The following TPI1 variants were observed in gnomAD, a reference collection of about 807,000 sequenced individuals.
TPI1 encodes the protein triosephosphate isomerase.
TPI1 carries 11 observed loss-of-function variants against 31.0 expected under a neutral mutation model. The observed-to-expected ratio is 0.36, with a 90% CI of 0.22 to 0.59. The LOEUF (loss-of-function observed/expected upper bound fraction) is 0.59, where lower values mean the gene tolerates loss of function less well. Among genes scored for constraint, TPI1 ranks in the 20% least tolerant of loss-of-function variants. The pLI is 0.79. For missense variants in TPI1, 245 were observed against 319.7 expected (o/e 0.77, Z 1.78); for synonymous variants, 121 against 122.8 (o/e 0.99, Z 0.10).
chr12:6,868,583 C>G, intron 1 of TPI1: 3 of 1,331,266 alleles, frequency 2.3e-6, no homozygotes, highest in Non-Finnish European at 2.9e-6. Context: ...GTGCCTATGC[C>G]GAGAATAGCT....
At chr12:6,868,742 G>T in intron 1 of TPI1, 122 bp from the exon 2 acceptor site, 4 of 1,472,660 alleles carry the variant, frequency 2.7e-6, no homozygotes, top group Non-Finnish European at 3.7e-6. Context: ...GGGTGAAAAG[G>T]GGGAGAGCAG....
At chr12:6,869,958 T>A in intron 5 of TPI1, 91 bp from the exon 6 acceptor site, 1 of 1,503,196 alleles carries the variant, frequency 6.7e-7, no homozygotes. Context: ...TCTGACTCAG[T>A]CAGAAACCAC....
rs992236487 is a variant in TPI1 at position 6,869,718 on chromosome 12, T to G, written c.488T>G (p.Leu163Arg). Residue 163 changes from leucine (L) to arginine (R), a missense_variant, in exon 5 of 7, where the codon CTG (leucine) becomes CGG (arginine). Physicochemically the swap from Leu to Arg is moderately radical, Grantham distance 102. Transcript: ENST00000396705. ...DNVKDWSKVVLAYEPVWAIGT... is the reference protein window; with the variant it reads ...DNVKDWSKVVRAYEPVWAIGT... ...GTGAAGGACTGGAGCAAGGTCGTCC[T>G]GGCCTATGAGCCTGTGTGGGCCATT... is the stretch of plus-strand genomic sequence containing the variant. 2 of 1,614,256 alleles carry G rather than the reference T, an allele frequency of 1.2e-6. No homozygotes were observed. The highest frequency in any genetic ancestry group is 3.3e-5 in the Admixed American group (2 of 60,036).
At position 6,870,765 on chromosome 12, in the gene TPI1, G is replaced by T; in HGVS notation, c.*382G>T. On this transcript the variant is annotated 3_prime_UTR_variant, in exon 7 of 7. Transcript: ENST00000396705. ...AGGCAGGAGTGCTGCCCTCTCCCATGGTGCCCGTGCCTCTGTGCTGTGTAT... is the reference window on the plus strand; with the variant it reads ...AGGCAGGAGTGCTGCCCTCTCCCATTGTGCCCGTGCCTCTGTGCTGTGTAT... The T allele has an allele frequency of 3.9e-6, 2 of 516,886 alleles. No individual in the cohort carries two copies. The highest frequency in any genetic ancestry group is 5.3e-5 in the East Asian group (1 of 19,036). The allele number at this position is 516,886 out of a possible 1,614,324, so 32.0% of individuals were successfully genotyped here. A position where few individuals can be genotyped will look rare whatever the true frequency, so the allele number is the denominator to read the frequency against.
chr12:6,867,818 C>T, intron 1 of TPI1, 137 bp downstream of exon 1: 2 of 973,906 alleles, frequency 2.1e-6, no homozygotes, highest in East Asian at 3.0e-5. Flanking sequence ...GGACGAGGGC[C>T]GCTGGGGTCC....
In TPI1 at chr12:6,869,715, T is replaced by C. The variant is rs1555132375; in HGVS notation, c.485T>C (p.Val162Ala). The C allele has an allele frequency of 9.9e-6, 16 of 1,614,234 alleles. No homozygotes were observed. Among genetic ancestry groups the C allele is most frequent in the East Asian group, 2.2e-5 (1 of 44,886 alleles). ...ADNVKDWSKV[V>A]LAYEPVWAIG... The stretch of plus-strand genomic sequence containing the variant: ...AACGTGAAGGACTGGAGCAAGGTCG[T>C]CCTGGCCTATGAGCCTGTGTGGGCC... Residue 162 changes from valine to alanine, a missense_variant, in exon 5 of 7, where the codon GTC becomes GCC. Around this residue, in one of 3 missense-constraint regions of TPI1, gnomAD observed 127 missense variants for 163.7 expected, o/e 0.78. Transcript: ENST00000396705.
chr12:6,869,644 C>CT, intron 4 of TPI1, 44 bp from the exon 5 acceptor site: 1 of 1,609,216 alleles, frequency 6.2e-7, no homozygotes, highest in Non-Finnish European at 8.5e-7. Flanking sequence ...CTGGAGAGCT[C>CT]TTTCTTGTTC....
chr12:6,870,026 C>A (rs782561391), intron 5 of TPI1, 23 bp from the exon 6 acceptor site: 1 of 1,613,856 alleles, frequency 6.2e-7, no homozygotes, highest in East Asian at 2.2e-5. Context: ...AAAGGTCTTA[C>A]TTAGGCCAGC....
At position 6,870,307 on chromosome 12, in the gene TPI1, C is replaced by T; in HGVS notation, c.674C>T (p.Pro225Leu). Residue 225 changes from proline (P) to leucine (L), a missense_variant, in exon 7 of 7, where the codon CCT becomes CTT. By Grantham distance (98) the Pro-to-Leu change is moderately conservative (BLOSUM62 -3). Transcript: ENST00000396705. ...ACCTGCAAGGAGCTGGCCAGCCAGC[C>T]TGATGTGGATGGCTTCCTTGTGGGT... ...GATCKELASQ[P>L]DVDGFLVGGA... 6.2e-7 allele frequency: 1 copy of T among 1,614,222 alleles called. No individual in the cohort carries two copies. Among genetic ancestry groups the T allele is most frequent in the Non-Finnish European group, 8.5e-7 (1 of 1,180,040 alleles).
chr12:6,869,774 G>GT lies in TPI1; in HGVS notation c.543+2dup. On this transcript the variant is annotated splice_donor_variant, in intron 5 of 6. Coordinates refer to ENST00000396705, the MANE Select transcript of TPI1 (RefSeq NM_000365.6). LOFTEE classifies it high-confidence loss of function. ...TGGCAAGACTGCAACACCCCAACAG[G>GT]TAACCGGGCCCAGGAGCCCTGCCCT... 6.2e-7 allele frequency: 1 copy of GT among 1,614,148 alleles called. No individual in the cohort carries two copies. Among genetic ancestry groups the GT allele is most frequent in the Non-Finnish European group, 8.5e-7 (1 of 1,180,010 alleles).
chr12:6,870,938 C>CTATAACAACATCTCTTACTATTT (rs1441980308), exon 7 of TPI1: 35 of 656,796 alleles, frequency 5.3e-5, no homozygotes, highest in Middle Eastern at 4.0e-4. Flanking sequence ...GAACAGGTTT[C>CTATAACAACATCTCTTACTATTT]TATAACAACA....
intron 5 of TPI1, 43 bp from the exon 6 acceptor site, chr12:6,870,006 G>C: frequency 1.2e-6 from 2 of 1,605,516 alleles, no homozygotes; most frequent in Non-Finnish European, 1.7e-6. Flanking sequence ...TTTCCTCTTA[G>C]AGAGGCAGAA....
Position 6,867,655 on chromosome 12 carries a change from A to C in TPI1, c.89A>C (p.Asn30Thr). 6.2e-7 allele frequency: 1 copy of C among 1,609,968 alleles called. No homozygotes were observed. Residue 30 changes from asparagine to threonine, a missense_variant, in exon 1 of 7, where the codon AAC (asparagine) becomes ACC (threonine). Transcript: ENST00000396705. ...CTGGGGGAGCTCATCGGCACTCTGAACGCGGCCAAGGTGCCGGCCGACACC... is the reference window on the plus strand; with the variant it reads ...CTGGGGGAGCTCATCGGCACTCTGACCGCGGCCAAGGTGCCGGCCGACACC... ...QSLGELIGTL[N>T]AAKVPADTEV...
chr12:6,867,728 G>T, intron 1 of TPI1, 47 bp downstream of exon 1: 1 of 1,534,776 alleles, frequency 6.5e-7, no homozygotes. Context: ...GGCCGGGGCC[G>T]GGGCAGGAGT....
In TPI1 at chr12:6,870,907, G is replaced by GAAAA; in HGVS notation, c.*524_*525insAAAA. ...GGCAGCTATATAAATGATCATTTGTGCAAGAAAAAAAAAAAAACAAGAACA... is the reference window on the plus strand; with the variant it reads ...GGCAGCTATATAAATGATCATTTGTGAAAACAAGAAAAAAAAAAAAACAAGAACA... On this transcript the variant is annotated 3_prime_UTR_variant, in exon 7 of 7. Transcript: ENST00000396705. 2 of 606,416 alleles carry GAAAA rather than the reference G, an allele frequency of 3.3e-6. No homozygotes were observed. The highest frequency in any genetic ancestry group is 4.8e-5 in the Admixed American group (2 of 41,254). The allele number at this position is 606,416 out of a possible 1,614,324, so 37.6% of individuals were successfully genotyped here. A position where few individuals can be genotyped will look rare whatever the true frequency, so the allele number is the denominator to read the frequency against.
At chr12:6,869,622 C>T (rs1029321025) in intron 4 of TPI1, 66 bp from the exon 5 acceptor site, 8 of 1,587,786 alleles carry the variant, frequency 5.0e-6, no homozygotes, top group South Asian at 4.4e-5. Flanking sequence ...CTTCGTACTC[C>T]GGAGAACCTG....
intron 1 of TPI1, 34 bp from the exon 2 acceptor site, chr12:6,868,830 G>T: frequency 1.2e-6 from 2 of 1,602,532 alleles, no homozygotes; most frequent in Non-Finnish European, 1.7e-6. Flanking sequence ...GCTTTCTTTA[G>T]TCTCATCCCC....
In TPI1 at chr12:6,869,749, T is replaced by C. The variant is rs782225455; in HGVS notation, c.519T>C (p.Thr173=). ...ATGAGCCTGTGTGGGCCATTGGTAC[T>C]GGCAAGACTGCAACACCCCAACAGG... The part of the protein sequence containing the change: ...LAYEPVWAIG[T]GKTATPQQAQ... The change falls in exon 5 of 7, where the codon ACT becomes ACC. Residue 173 remains threonine (T), a synonymous_variant. Coordinates refer to ENST00000396705, the MANE Select transcript of TPI1 (RefSeq NM_000365.6). 1 of 1,614,100 alleles carries C rather than the reference T, an allele frequency of 6.2e-7. No individual in the cohort carries two copies. The highest frequency in any genetic ancestry group is 8.5e-7 in the Non-Finnish European group (1 of 1,180,024).
Position 6,869,407 on chromosome 12 carries a change from G to T in TPI1, c.457+17G>T. ...TCATCGCAGGTATCTCTGGAGAAAG[G>T]GACCTTTGAGCCTATCCAGGGCCAC... On this transcript the variant is annotated intron_variant, in intron 4 of 6. Coordinates refer to ENST00000396705, the MANE Select transcript of TPI1 (RefSeq NM_000365.6). 6.2e-7 allele frequency: 1 copy of T among 1,613,910 alleles called. No homozygotes were observed. The highest frequency in any genetic ancestry group is 1.1e-5 in the South Asian group (1 of 91,068).
Sources: gnomAD v4.1 joint callset for allele counts on GRCh38, gnomAD v4.1.1 for gene constraint, gnomAD v4.1.1 regional missense constraint, MANE v1.5 for transcripts, NCBI Gene and HGNC (gene_info 2026-07-23, HGNC 2026-07-21) for gene names.